Variants in FAT1 observed in about 807,000 individuals in gnomAD.
FAT1 encodes protocadherin Fat 1.
A neutral mutation model predicts 329.8 loss-of-function variants in FAT1; 171 were observed. The ratio of observed to expected loss-of-function variants is 0.52; its 90% CI spans 0.46 to 0.59. The LOEUF is 0.59. Among genes scored for constraint, FAT1 ranks in the 20% least tolerant of loss-of-function variants. The probability of loss-of-function intolerance (pLI) is 0.00; values close to 1 mark genes in which losing one functional copy is unlikely to be tolerated. For synonymous variants in FAT1, 2,233 were observed against 2,228.6 expected, an observed-to-expected ratio of 1.00 and a Z score of -0.06; for missense variants, 5,672 against 5,774.4, an observed-to-expected ratio of 0.98 and a Z score of 0.57.
intron 2 of FAT1, among the ~76,000 whole-genome samples, chr4:186,700,363 G>A (rs1412224150): frequency 6.6e-6 from 1 of 152,180 alleles, no homozygotes; most frequent in Admixed American, 6.5e-5. Context: ...TGGCCAATGA[G>A]ACAAGGGAAG....
In FAT1 at chr4:186,708,690, C is replaced by A; in HGVS notation, c.1138G>T (p.Ala380Ser). ...ATGACCACAGGTGTGTTGGGAGGAG[C>A]AAATTCACTTATTTCTGCTCTGTAA... The part of the protein sequence containing the change: ...DVYRAEISEF[A>S]PPNTPVVMVK... Residue 380 changes from alanine (A) to serine (S), a missense_variant, in exon 2 of 27, where the codon GCT (alanine) becomes TCT (serine). Transcript: ENST00000441802. 6.2e-7 allele frequency: 1 copy of A among 1,613,822 alleles called. No homozygotes were observed. The highest frequency in any genetic ancestry group is 8.5e-7 in the Non-Finnish European group (1 of 1,179,890).
At chr4:186,723,261 A>G (rs1579515751) in intron 1 of FAT1, among the ~76,000 whole-genome samples, 1 of 152,346 alleles carries the variant, frequency 6.6e-6, no homozygotes, top group South Asian at 2.1e-4. Context: ...CCAGAGACCC[A>G]GGGACCCGGC....
chr4:186,641,219 T>G (rs991637840), intron 3 of FAT1, among the ~76,000 whole-genome samples: 2 of 152,192 alleles, frequency 1.3e-5, no homozygotes, highest in Non-Finnish European at 2.9e-5. Context: ...GTTCTCTTTT[T>G]AACAAGGGCA....
intron 3 of FAT1, among the ~76,000 whole-genome samples, chr4:186,651,619 A>G (rs1395800284): frequency 6.6e-6 from 1 of 152,166 alleles, no homozygotes; most frequent in African/African-American, 2.4e-5. Flanking sequence ...CGAAACACAC[A>G]CCAGAGCCAA....
chr4:186,600,091 A>G lies in FAT1; in HGVS notation c.11910T>C (p.Gly3970=), dbSNP rs1403625971. The G allele has an allele frequency of 6.2e-7, 1 of 1,614,072 alleles. No individual in the cohort carries two copies. Among genetic ancestry groups the G allele is most frequent in the East Asian group, 2.2e-5 (1 of 44,878 alleles). The stretch of plus-strand genomic sequence containing the variant: ...AGTCCATACAACCCCTGAAACCATT[A>G]CCAACTTGAGGACTTCTTCCATGCC... ...GTRHGRSPQV[G]NGFRGCMDSI... Residue 3970 remains glycine (G), a synonymous_variant, in exon 22 of 27, where the codon GGT becomes GGC. Coordinates refer to ENST00000441802, the MANE Select transcript of FAT1 (RefSeq NM_005245.4).
At position 186,619,386 on chromosome 4, in the gene FAT1, G is replaced by A. The variant is rs774976770; in HGVS notation, c.7200C>T (p.Ser2400=). The part of the protein sequence containing the change: ...FEQQIYEARI[S]EHAPHGHFVT... Reference sequence around the variant, plus strand: ...CGAAATGCCCATGAGGGGCGTGCTCGCTAATTCTGGCTTCATAAATCTGTT... The same window carrying A: ...CGAAATGCCCATGAGGGGCGTGCTCACTAATTCTGGCTTCATAAATCTGTT... Residue 2400 remains serine (S), a synonymous_variant, in exon 10 of 27, where the codon AGC becomes AGT. Transcript: ENST00000441802. 6.5e-5 allele frequency: 105 copies of A among 1,613,850 alleles called. No homozygotes were observed. The highest frequency in any genetic ancestry group is 8.1e-5 in the Non-Finnish European group (95 of 1,179,896).
In FAT1 at chr4:186,620,401, A is replaced by C. The variant is rs1161419320; in HGVS notation, c.6185T>G (p.Val2062Gly). Reference protein sequence around the residue: ...EVTEEHKPSAVAHVVVKVIVE... With the variant: ...EVTEEHKPSAGAHVVVKVIVE... The stretch of plus-strand genomic sequence containing the variant: ...AATGACCTTCACGACAACGTGGGCC[A>C]CTGCAGAAGGCTTATGTTCCTCTGT... Residue 2062 changes from valine to glycine, a missense_variant, in exon 10 of 27, where the codon GTG becomes GGG. Physicochemically the swap from Val to Gly is moderately radical, Grantham distance 109. Around this residue, in one of 2 missense-constraint regions of FAT1, gnomAD observed 3,966 missense variants for 3,915.2 expected, o/e 1.01. Coordinates refer to ENST00000441802, the MANE Select transcript of FAT1 (RefSeq NM_005245.4). 1 of 1,614,036 alleles carries C rather than the reference A, an allele frequency of 6.2e-7. No homozygotes were observed. Among genetic ancestry groups the C allele is most frequent in the Non-Finnish European group, 8.5e-7 (1 of 1,179,896 alleles).
At position 186,645,968 on chromosome 4, in the gene FAT1, TACACACACACACAC is replaced by T. The variant is rs371987938; in HGVS notation, c.3581-6199_3581-6186del. ...CACAAAAAAAAAAAAAAAAAATATA[TACACACACACACAC>T]ACACACACACACACACACACACATG... On this transcript the variant is annotated intron_variant, in intron 3 of 26. Transcript: ENST00000441802. Among the ~76,000 whole-genome samples, 381 of 105,226 alleles carry T rather than the reference TACACACACACACAC, an allele frequency of 3.6e-3. 7 individuals carry two copies. Among genetic ancestry groups the T allele is most frequent in the African/African-American group, 0.014 (363 of 25,732 alleles). 69.0% of individuals were successfully genotyped at this position (105,226 alleles called of 152,430 possible). A position where few individuals can be genotyped will look rare whatever the true frequency, so the allele number is the denominator to read the frequency against.
chr4:186,610,638 T>A (rs1464381359), intron 14 of FAT1, among the ~76,000 whole-genome samples: 2 of 91,878 alleles, frequency 2.2e-5, no homozygotes, highest in Non-Finnish European at 4.4e-5. Context: ...ATTATATAAT[T>A]TATATAATTT....
chr4:186,662,867 C>T (rs948275212), intron 3 of FAT1, among the ~76,000 whole-genome samples: 13 of 151,542 alleles, frequency 8.6e-5, no homozygotes, highest in Non-Finnish European at 1.9e-4. Flanking sequence ...GATGGAGTCT[C>T]ACTCTGTCGC....
At position 186,663,010 on chromosome 4, in the gene FAT1, G is replaced by A. The variant is rs183245321; in HGVS notation, c.3580+289C>T. On this transcript the variant is annotated intron_variant, in intron 3 of 26. Transcript: ENST00000441802. ...CGCCACCACGCCCAGCTAATTTTTT[G>A]TACTTTTACTAGAGATGGGGTTTCA... Among the ~76,000 whole-genome samples the A allele has an allele frequency of 4.6e-4, 70 of 152,126 alleles. No homozygotes were observed. In the East Asian group the frequency reaches 9.1e-3, roughly 20 times the overall value.
At chr4:186,687,945 C>T (rs758010903) in intron 2 of FAT1, among the ~76,000 whole-genome samples, 2 of 151,986 alleles carry the variant, frequency 1.3e-5, no homozygotes, top group African/African-American at 2.4e-5. Context: ...GAAAAGTTCA[C>T]CAGGGTTCTA....
rs1480333554 is a variant in FAT1 at position 186,636,707 on chromosome 4, T to A, written c.3850A>T (p.Asn1284Tyr). Residue 1284 changes from asparagine to tyrosine, a missense_variant, in exon 5 of 27, where the codon AAT (asparagine) becomes TAT (tyrosine). By Grantham distance (143) the Asn-to-Tyr change is moderately radical. This residue lies in a region of FAT1 where 3,966 missense variants were observed against 3,915.2 expected (regional missense o/e 1.01). Transcript: ENST00000441802. ...TCGATGCTGTAGGAGATTTCTGCATTGGGGCCCTCATCCTTGTCGGTGGCT... is the reference window on the plus strand; with the variant it reads ...TCGATGCTGTAGGAGATTTCTGCATAGGGGCCCTCATCCTTGTCGGTGGCT... The part of the protein sequence containing the change: ...VIATDKDEGP[N>Y]AEISYSIEDG... 7 of 1,613,790 alleles carry A rather than the reference T, an allele frequency of 4.3e-6. No homozygotes were observed. The highest frequency in any genetic ancestry group is 5.9e-6 in the Non-Finnish European group (7 of 1,179,866).
At chr4:186,634,786 C>A (rs944640252) in intron 6 of FAT1, among the ~76,000 whole-genome samples, 1 of 152,246 alleles carries the variant, frequency 6.6e-6, no homozygotes, top group Non-Finnish European at 1.5e-5. Flanking sequence ...TAAAAAACTT[C>A]TCTAGCAAGC....
rs1172339757 is a variant in FAT1 at position 186,617,983 on chromosome 4, C to T, written c.8603G>A (p.Trp2868Ter). The change falls in exon 10 of 27, where the codon TGG (tryptophan) becomes TAG (stop). Residue 2868 changes from tryptophan to a stop codon, truncating the protein, a stop_gained. Coordinates refer to ENST00000441802, the MANE Select transcript of FAT1 (RefSeq NM_005245.4). LOFTEE classifies it high-confidence loss of function. ...GTCAAGTTCCTTTAAAGTTGTAATC[C>T]AGCCTGTTTCCATGTTAATGGCAAA... ...ESFAINMETG[W>*]ITTLKELDHE... The T allele has an allele frequency of 6.2e-7, 1 of 1,613,988 alleles. No homozygotes were observed. Among genetic ancestry groups the T allele is most frequent in the South Asian group, 1.1e-5 (1 of 91,066 alleles).
chr4:186,626,018 G>T (rs1157830970), intron 9 of FAT1, among the ~76,000 whole-genome samples: 1 of 145,480 alleles, frequency 6.9e-6, no homozygotes, highest in Non-Finnish European at 1.5e-5. Flanking sequence ...CCTACAGAAT[G>T]AATGAATGAA....
At chr4:186,689,249 T>C (rs1743633601) in intron 2 of FAT1, among the ~76,000 whole-genome samples, 1 of 152,220 alleles carries the variant, frequency 6.6e-6, no homozygotes, top group South Asian at 2.1e-4. Flanking sequence ...TTGTATCTTG[T>C]ACGTCAAATC....
chr4:186,588,894 A>C lies in FAT1; in HGVS notation c.13465T>G (p.Tyr4489Asp). ...RNRQRFNLNQ[Y>D]LPNFYPLDMS... ...TCGAGGGGATAAAAATTGGGCAAAT[A>C]CTGATTCAAGTTGAACCTCTGCCGG... The change falls in exon 27 of 27, where the codon TAT (tyrosine) becomes GAT (aspartate). Residue 4489 changes from tyrosine to aspartate, a missense_variant. Transcript: ENST00000441802. The C allele has an allele frequency of 6.2e-7, 1 of 1,613,938 alleles. No individual in the cohort carries two copies. The highest frequency in any genetic ancestry group is 8.5e-7 in the Non-Finnish European group (1 of 1,179,886).
rs1486190989 is a variant in FAT1, at chr4:186,603,369, C to T, written c.11157G>A (p.Val3719=). 2.5e-6 allele frequency: 4 copies of T among 1,614,006 alleles called. No individual in the cohort carries two copies. The part of the protein sequence containing the change: ...KQLLHKINSS[V]TDIEEIIGVR... The stretch of plus-strand genomic sequence containing the variant: ...CTCCAATGATTTCCTCAATGTCAGT[C>T]ACGGAAGAGTTAATCTTGTGCAGAA... Residue 3719 remains valine, a synonymous_variant, in exon 19 of 27, where the codon GTG becomes GTA. Transcript: ENST00000441802.
Sources: allele counts gnomAD v4.1 joint callset (sites outside exome capture counted in the v4.1 genomes callset), GRCh38; gene constraint gnomAD v4.1.1; regional missense constraint gnomAD v4.1.1; transcripts MANE v1.5; gene names NCBI Gene and HGNC (gene_info 2026-07-23, HGNC 2026-07-21).